Variants in ZNF333 observed in about 807,000 individuals in gnomAD.
The protein encoded by ZNF333 is zinc finger protein 333.
Under a neutral mutation model 76.1 loss-of-function variants are expected in ZNF333, and 61 were observed. That is an observed-to-expected ratio of 0.80 (90% CI 0.65 to 0.99). The LOEUF is 0.99. Ranked by LOEUF, ZNF333 falls within the 50% of genes least tolerant of loss-of-function variation. ZNF333 has a pLI of 0.00. For missense variants in ZNF333, 717 were observed against 822.4 expected (o/e 0.87, Z 1.57); for synonymous variants, 284 against 305.0 (o/e 0.93, Z 0.72).
rs56066058 is a variant in ZNF333, at chr19:14,721,280, C to CTTTTTTTTTTTTTTT, written c.*1966_*1980dup. 98 of 87,834 alleles carry CTTTTTTTTTTTTTTT rather than the reference C, an allele frequency of 1.1e-3. No homozygotes were observed. The highest frequency in any genetic ancestry group is 1.5e-3 in the Non-Finnish European group (70 of 47,602). 5.4% of individuals were successfully genotyped at this position (87,834 alleles called of 1,614,324 possible). On this transcript the variant is annotated 3_prime_UTR_variant, in exon 12 of 12. Coordinates refer to ENST00000292530, the MANE Select transcript of ZNF333 (RefSeq NM_032433.4). Reference sequence around the variant, plus strand: ...GGACTAGTCTCCATTTTTACTTGTTCTTTTTTTTTTTTTTTTTTTTTTTTT... The same window carrying CTTTTTTTTTTTTTTT: ...GGACTAGTCTCCATTTTTACTTGTTCTTTTTTTTTTTTTTTTTTTTTTTTTTTTTTTTTTTTTTTT...
At position 14,720,352 on chromosome 19, in the gene ZNF333, T is replaced by G. The variant is rs1175324927; in HGVS notation, c.*1027T>G. ...GTTTCATGTAGCCACATCTCTCCAC[T>G]TCTTGCCTTTTGGACAAGTAGACAT... is the stretch of plus-strand genomic sequence containing the variant. On this transcript the variant is annotated 3_prime_UTR_variant, in exon 12 of 12. Coordinates refer to ENST00000292530, the MANE Select transcript of ZNF333 (RefSeq NM_032433.4). The G allele has an allele frequency of 2.0e-6, 2 of 985,316 alleles. No individual in the cohort carries two copies. The highest frequency in any genetic ancestry group is 2.4e-6 in the Non-Finnish European group (2 of 829,956). 61.0% of individuals were successfully genotyped at this position (985,316 alleles called of 1,614,324 possible).
intron 4 of ZNF333, among the ~76,000 whole-genome samples, chr19:14,697,357 C>CTTTTTTT (rs139125023): frequency 2.1e-3 from 187 of 90,774 alleles, no homozygotes; most frequent in Non-Finnish European, 2.7e-3. Flanking sequence ...TTTTTCTTTT[C>CTTTTTTT]TTTTTTTTTT....
In ZNF333 at chr19:14,719,983, C is replaced by T. The variant is rs536558923; in HGVS notation, c.*658C>T. On this transcript the variant is annotated 3_prime_UTR_variant, in exon 12 of 12. Transcript: ENST00000292530. ...GGGGGATCACCTGAGGTCAGGAGTT[C>T]GAGATCAGCCTGGCCAACATGGTGA... 6.8e-5 allele frequency: 63 copies of T among 921,130 alleles called. No individual in the cohort carries two copies. The highest frequency in any genetic ancestry group is 7.9e-5 in the Non-Finnish European group (61 of 771,466). 57.1% of individuals were successfully genotyped at this position (921,130 alleles called of 1,614,324 possible). A position where few individuals can be genotyped will look rare whatever the true frequency, so the allele number is the denominator to read the frequency against.
At chr19:14,708,804 G>T (rs1225548742) in intron 7 of ZNF333, 1 of 157,718 alleles carries the variant, frequency 6.3e-6, no homozygotes, top group East Asian at 1.8e-4. Flanking sequence ...GCAAGGTGTT[G>T]GCAGTGTTGG....
chr19:14,711,002 G>A (rs2042259305), intron 7 of ZNF333, among the ~76,000 whole-genome samples: 1 of 151,988 alleles, frequency 6.6e-6, no homozygotes, highest in Non-Finnish European at 1.5e-5. Flanking sequence ...AAGGGGGAAA[G>A]GTGCCAGGCT....
At chr19:14,692,931 T>C (rs1007813870) in intron 1 of ZNF333, among the ~76,000 whole-genome samples, 2 of 151,216 alleles carry the variant, frequency 1.3e-5, no homozygotes, top group Non-Finnish European at 2.9e-5. Context: ...CAAGCAACTC[T>C]ACTGCCTCAG....
intron 5 of ZNF333, among the ~76,000 whole-genome samples, chr19:14,699,851 T>C (rs1251067927): frequency 6.6e-6 from 1 of 152,022 alleles, no homozygotes; most frequent in Non-Finnish European, 1.5e-5. Flanking sequence ...CCATTGTGAA[T>C]AGGAGGCAGC....
intron 2 of ZNF333, among the ~76,000 whole-genome samples, 165 bp downstream of exon 2, chr19:14,693,659 C>A (rs527727556): frequency 1.3e-5 from 2 of 152,280 alleles, no homozygotes; most frequent in African/African-American, 4.8e-5. Context: ...TAGGGACTTC[C>A]TTCTGTGCCT....
At chr19:14,698,935 T>TATATATATATATATAC (rs1180611568) in intron 4 of ZNF333, among the ~76,000 whole-genome samples, 4 of 139,330 alleles carry the variant, frequency 2.9e-5, no homozygotes, top group African/African-American at 8.3e-5. Context: ...TATATATATA[T>TATATATATATATATAC]ACACACATAT....
At chr19:14,724,213 A>G (rs183984726), downstream of ZNF333, among the ~76,000 whole-genome samples, 8 of 152,330 alleles carry the variant, frequency 5.3e-5, no homozygotes, top group African/African-American at 1.9e-4. Context: ...AAAACAAGAA[A>G]TGGTTCAAAA....
chr19:14,726,251 C>T (rs573950563), downstream of ZNF333, among the ~76,000 whole-genome samples: 18 of 152,302 alleles, frequency 1.2e-4, no homozygotes, highest in Non-Finnish European at 1.6e-4. Flanking sequence ...CACAGGGCAG[C>T]GGGGCCCTGG....
chr19:14,719,004 G>A lies in ZNF333; in HGVS notation c.1677G>A (p.Glu559=), dbSNP rs1409794245. Residue 559 remains glutamate, a synonymous_variant, in exon 12 of 12, where the codon GAG becomes GAA. Transcript: ENST00000292530. ...LKSHMRTHTG[E]KPYVCQECGR... is the part of the protein sequence containing the mutation. Reference sequence around the variant, plus strand: ...GTCACATGCGAACTCACACTGGAGAGAAGCCCTATGTGTGCCAGGAATGTG... The same window carrying A: ...GTCACATGCGAACTCACACTGGAGAAAAGCCCTATGTGTGCCAGGAATGTG... 6.2e-7 allele frequency: 1 copy of A among 1,614,224 alleles called. No homozygotes were observed. The highest frequency in any genetic ancestry group is 2.2e-5 in the East Asian group (1 of 44,888).
At position 14,715,375 on chromosome 19, in the gene ZNF333, C is replaced by A. The variant is rs2042399512; in HGVS notation, c.512-7C>A. The A allele has an allele frequency of 6.2e-7, 1 of 1,613,412 alleles. No individual in the cohort carries two copies. The highest frequency in any genetic ancestry group is 1.3e-5 in the African/African-American group (1 of 74,900). On this transcript the variant is annotated splice_region_variant and splice_polypyrimidine_tract_variant and intron_variant, in intron 7 of 11. Coordinates refer to ENST00000292530, the MANE Select transcript of ZNF333 (RefSeq NM_032433.4). ...CCAACCCTCATGCCTCTTCCCTTCT[C>A]CCCTAGCTGTGCCTGCACGTGACCC... is the stretch of plus-strand genomic sequence containing the variant.
intron 6 of ZNF333, 187 bp from the exon 7 acceptor site, chr19:14,706,499 G>T (rs1333481242): frequency 1.6e-6 from 1 of 612,786 alleles, no homozygotes; most frequent in African/African-American, 1.9e-5. Flanking sequence ...GGCCATTTTG[G>T]ATCACAGTGA....
intron 8 of ZNF333, 25 bp from the exon 9 acceptor site, chr19:14,716,087 G>T (rs1267251994): frequency 6.2e-7 from 1 of 1,613,458 alleles, no homozygotes; most frequent in Non-Finnish European, 8.5e-7. Context: ...GTCCCTGGCT[G>T]AGCCGGGATG....
Position 14,719,024 on chromosome 19 carries a change from A to C in ZNF333, c.1697A>C (p.Glu566Ala), listed in dbSNP as rs751757273. ...GGAGAGAAGCCCTATGTGTGCCAGG[A>C]ATGTGGGCGAGCCTTCAGTGAGCCC... ...HTGEKPYVCQ[E>A]CGRAFSEPSS... is the part of the protein sequence containing the mutation. Residue 566 changes from glutamate (E) to alanine (A), a missense_variant, in exon 12 of 12, where the codon GAA becomes GCA. Transcript: ENST00000292530. 1 of 1,614,200 alleles carries C rather than the reference A, an allele frequency of 6.2e-7. No homozygotes were observed.
chr19:14,716,775 T>C (rs2042442978), intron 9 of ZNF333, among the ~76,000 whole-genome samples: 1 of 152,242 alleles, frequency 6.6e-6, no homozygotes, highest in South Asian at 2.1e-4. Context: ...AGCTAGGCCC[T>C]TGGTTTTGTA....
At position 14,719,598 on chromosome 19, in the gene ZNF333, A is replaced by G. The variant is rs1185950589; in HGVS notation, c.*273A>G. On this transcript the variant is annotated 3_prime_UTR_variant, in exon 12 of 12. Coordinates refer to ENST00000292530, the MANE Select transcript of ZNF333 (RefSeq NM_032433.4). ...ACAGTTGGATGAGTTTGACAGATGC[A>G]TACATGCATGTAACCACCACCCCAT... 5.2e-6 allele frequency: 6 copies of G among 1,152,878 alleles called. No homozygotes were observed. Among genetic ancestry groups the G allele is most frequent in the Non-Finnish European group, 6.5e-6 (6 of 920,398 alleles). The allele number at this position is 1,152,878 out of a possible 1,614,324, so 71.4% of individuals were successfully genotyped here.
intron 4 of ZNF333, among the ~76,000 whole-genome samples, chr19:14,698,899 G>GATAT (rs60299211): frequency 0.015 from 1,985 of 132,280 alleles, 15 homozygotes; most frequent in Admixed American, 0.024. Context: ...CACAAATATA[G>GATAT]ATATATATAT....
Sources: gnomAD v4.1 joint callset for allele counts (sites outside exome capture counted in the v4.1 genomes callset) on GRCh38, gnomAD v4.1.1 for gene constraint, MANE v1.5 for transcripts, NCBI Gene and HGNC (gene_info 2026-07-23, HGNC 2026-07-21) for gene names.